The following PDGFB variants were observed in gnomAD, a reference collection of about 807,000 sequenced individuals.
PDGFB encodes platelet-derived growth factor subunit B.
Under a neutral mutation model 29.0 loss-of-function variants are expected in PDGFB, and 6 were observed. The ratio of observed to expected loss-of-function variants is 0.21; its 90% CI spans 0.11 to 0.41. PDGFB has a LOEUF of 0.41. Ranked by LOEUF, PDGFB falls within the 10% of genes least tolerant of loss-of-function variation. The pLI is 1.00. For synonymous variants in PDGFB, 144 were observed against 140.8 expected (o/e 1.02, Z -0.16); for missense variants, 299 against 341.8 (o/e 0.87, Z 0.99).
chr22:39,231,703 C>T lies in PDGFB; in HGVS notation c.375G>A (p.Val125=). 1.9e-6 allele frequency: 3 copies of T among 1,608,382 alleles called. No individual in the cohort carries two copies. The highest frequency in any genetic ancestry group is 2.5e-6 in the Non-Finnish European group (3 of 1,177,846). Residue 125 remains valine, a synonymous_variant, in exon 4 of 7, where the codon GTG becomes GTA. Transcript: ENST00000331163. This position sits in a 1 kb window ranked among gnomAD's most constrained non-coding sequence, Gnocchi z 4.3. ...NANFLVWPPC[V]EVQRCSGCCN... ...AGCAGCCGGAGCAGCGCTGCACCTC[C>T]ACACAGGGCGGCCACACCAGGAAGT...
chr22:39,225,953 G>C, intron 5 of PDGFB, 106 bp from the exon 6 acceptor site: 1 of 1,328,880 alleles, frequency 7.5e-7, no homozygotes, highest in Non-Finnish European at 1.0e-6. Flanking sequence ...AAAGGGACAG[G>C]AGGGGAATCT....
rs1229629736 is a variant in PDGFB at position 39,243,224 on chromosome 22, C to T, written c.63+677G>A. Among the ~76,000 whole-genome samples, 1 of 151,174 alleles carries T rather than the reference C, an allele frequency of 6.6e-6. No individual in the cohort carries two copies. Among genetic ancestry groups the T allele is most frequent in the South Asian group, 2.1e-4 (1 of 4,750 alleles). On this transcript the variant is annotated intron_variant, in intron 1 of 6. Coordinates refer to ENST00000331163, the MANE Select transcript of PDGFB (RefSeq NM_002608.4). This position sits in a 1 kb window ranked among gnomAD's most constrained non-coding sequence, Gnocchi z 6.4. The stretch of plus-strand genomic sequence containing the variant: ...AACCTACCTGCGTCTCTATCTTTCT[C>T]TCCCTCTCTCTCTCCGTCTCTCTCT...
chr22:39,225,856 GA>G lies in PDGFB; in HGVS notation c.602-10del. ...AGTTTGGGGCGTTTTGGCTGCACAA[GA>G]AAAAGAAAGACCTCGTCAGCATGTG... On this transcript the variant is annotated splice_polypyrimidine_tract_variant and intron_variant, in intron 5 of 6. Transcript: ENST00000331163. The G allele has an allele frequency of 6.2e-7, 1 of 1,608,796 alleles. No individual in the cohort carries two copies. The highest frequency in any genetic ancestry group is 1.1e-5 in the South Asian group (1 of 90,768).
Position 39,243,646 on chromosome 22 carries a change from A to C in PDGFB, c.63+255T>G, listed in dbSNP as rs1932623770. 6.7e-5 allele frequency among the ~76,000 whole-genome samples: 10 copies of C among 148,774 alleles called. No homozygotes were observed. In the South Asian group the frequency reaches 2.1e-3, roughly 32 times the overall value. On this transcript the variant is annotated intron_variant, in intron 1 of 6. Transcript: ENST00000331163. The surrounding 1 kb of genome is among the most constrained non-coding windows in gnomAD (Gnocchi z 6.4). ...AAGGGTGGGGGACAGGGCCACACAC[A>C]CCCTCCCCCGACACGGAACGGCTTA...
chr22:39,228,886 C>CAAAAAAAA (rs34953400), intron 5 of PDGFB, among the ~76,000 whole-genome samples: 27 of 72,556 alleles, frequency 3.7e-4, no homozygotes, highest in South Asian at 8.7e-4. Context: ...GAGACTGCCT[C>CAAAAAAAA]AAAAAAAATA....
intron 6 of PDGFB, 42 bp from the exon 7 acceptor site, chr22:39,225,355 A>G (rs185910804): frequency 5.3e-6 from 1 of 189,522 alleles, no homozygotes; most frequent in African/African-American, 2.3e-5. Context: ...GAGACAGCCT[A>G]GAGGGTCCAT....
chr22:39,227,855 G>A (rs751655087), intron 5 of PDGFB, among the ~76,000 whole-genome samples: 1 of 152,168 alleles, frequency 6.6e-6, no homozygotes, highest in East Asian at 1.9e-4. Context: ...CAGCTCCCAC[G>A]AGGCAGCTCT....
Position 39,231,560 on chromosome 22 carries a change from C to T in PDGFB, c.456+62G>A. The T allele has an allele frequency of 1.6e-6, 2 of 1,272,130 alleles. No individual in the cohort carries two copies. Among genetic ancestry groups the T allele is most frequent in the Non-Finnish European group, 2.2e-6 (2 of 924,792 alleles). The allele number at this position is 1,272,130 out of a possible 1,614,324, so 78.8% of individuals were successfully genotyped here. ...AAGGAAGCCTGGTCAGGTATGAGCC[C>T]CAGAAGGGTGGTCTCCACCCACCAC... On this transcript the variant is annotated intron_variant, in intron 4 of 6. Coordinates refer to ENST00000331163, the MANE Select transcript of PDGFB (RefSeq NM_002608.4). The surrounding 1 kb of genome is among the most constrained non-coding windows in gnomAD (Gnocchi z 4.3).
At chr22:39,233,097 CAGTG>C (rs1932350710) in intron 3 of PDGFB, among the ~76,000 whole-genome samples, 1 of 152,220 alleles carries the variant, frequency 6.6e-6, no homozygotes, top group African/African-American at 2.4e-5. Flanking sequence ...CGCTCCCTAG[CAGTG>C]TGACCTCGCC....
At chr22:39,234,208 C>T (rs1932385201) in intron 2 of PDGFB, among the ~76,000 whole-genome samples, 1 of 152,162 alleles carries the variant, frequency 6.6e-6, no homozygotes, top group Non-Finnish European at 1.5e-5. Flanking sequence ...TAAACTGTTG[C>T]CCCACCTCTG....
chr22:39,227,720 C>A (rs4416326), intron 5 of PDGFB, among the ~76,000 whole-genome samples: 1 of 151,938 alleles, frequency 6.6e-6, no homozygotes, highest in Non-Finnish European at 1.5e-5. Context: ...GTCCTGGATT[C>A]CCAGGTGGCC....
chr22:39,240,506 G>A (rs1387061112), intron 1 of PDGFB, among the ~76,000 whole-genome samples: 1 of 35,578 alleles, frequency 2.8e-5, no homozygotes, highest in Non-Finnish European at 7.6e-5. Context: ...CTCTCAAGAT[G>A]GGGGGCTTTG....
Position 39,230,145 on chromosome 22 carries a change from A to G in PDGFB, c.540T>C (p.Cys180=), listed in dbSNP as rs938487402. 3 of 1,613,876 alleles carry G rather than the reference A, an allele frequency of 1.9e-6. No homozygotes were observed. The highest frequency in any genetic ancestry group is 2.5e-6 in the Non-Finnish European group (3 of 1,179,874). The change falls in exon 5 of 7, where the codon TGT becomes TGC. Residue 180 remains cysteine (C), a synonymous_variant. Transcript: ENST00000331163. ...CAGGCCGTGCAGCTGCCACTGTCTCACACTTGCATGCCAGGTGGTCTTCCA... is the reference window on the plus strand; with the variant it reads ...CAGGCCGTGCAGCTGCCACTGTCTCGCACTTGCATGCCAGGTGGTCTTCCA... ...VTLEDHLACK[C]ETVAAARPVT...
chr22:39,240,428 C>T (rs1932540002), intron 1 of PDGFB, among the ~76,000 whole-genome samples: 2 of 152,112 alleles, frequency 1.3e-5, no homozygotes. Context: ...CTTTCTGTTT[C>T]TTCTCCTCTG....
rs1445670365 is a variant in PDGFB at position 39,244,602 on chromosome 22, A to C, written c.-639T>G. ...CTGGCGCGGGGCCCGGGCGGCGGGC[A>C]CGGCTGCTCCGCGCGCGCGGCGTGC... On this transcript the variant is annotated 5_prime_UTR_variant, in exon 1 of 7. Coordinates refer to ENST00000331163, the MANE Select transcript of PDGFB (RefSeq NM_002608.4). This position sits in a 1 kb window ranked among gnomAD's most constrained non-coding sequence, Gnocchi z 4.5. 1 of 150,602 alleles carries C rather than the reference A, an allele frequency of 6.6e-6. No homozygotes were observed. The highest frequency in any genetic ancestry group is 2.1e-4 in the South Asian group (1 of 4,838). The allele number at this position is 150,602 out of a possible 1,614,324, so 9.3% of individuals were successfully genotyped here.
At chr22:39,226,433 G>A (rs765881595) in intron 5 of PDGFB, among the ~76,000 whole-genome samples, 26 of 152,062 alleles carry the variant, frequency 1.7e-4, no homozygotes, top group Admixed American at 5.9e-4. Flanking sequence ...GGCTCTCCCC[G>A]TAGAGCCAGA....
intron 4 of PDGFB, among the ~76,000 whole-genome samples, chr22:39,230,606 T>C (rs1466277303): frequency 6.6e-6 from 1 of 151,998 alleles, no homozygotes; most frequent in Non-Finnish European, 1.5e-5. Flanking sequence ...GGAGGCTTCA[T>C]CTAGGAGGGA....
Position 39,231,483 on chromosome 22 carries a change from A to G in PDGFB, c.456+139T>C. On this transcript the variant is annotated intron_variant, in intron 4 of 6. Transcript: ENST00000331163. The surrounding 1 kb of genome is among the most constrained non-coding windows in gnomAD (Gnocchi z 4.3). ...TTCCCAAGAGTGGGCCTCTCTGGACAGAGCCCAGGAACAAATCAGGAATGT... is the reference window on the plus strand; with the variant it reads ...TTCCCAAGAGTGGGCCTCTCTGGACGGAGCCCAGGAACAAATCAGGAATGT... 1 of 696,754 alleles carries G rather than the reference A, an allele frequency of 1.4e-6. No homozygotes were observed. The highest frequency in any genetic ancestry group is 2.3e-6 in the Non-Finnish European group (1 of 425,624). The allele number at this position is 696,754 out of a possible 1,614,324, so 43.2% of individuals were successfully genotyped here.
Position 39,244,007 on chromosome 22 carries a change from C to T in PDGFB, c.-44G>A, listed in dbSNP as rs765594215. ...CCCGCGGGGCCCCGGACGCGTAGATCGAGCGCGCCGCCCCCGCGGCCAGGG... is the reference window on the plus strand; with the variant it reads ...CCCGCGGGGCCCCGGACGCGTAGATTGAGCGCGCCGCCCCCGCGGCCAGGG... On this transcript the variant is annotated 5_prime_UTR_variant, in exon 1 of 7. Coordinates refer to ENST00000331163, the MANE Select transcript of PDGFB (RefSeq NM_002608.4). This position sits in a 1 kb window ranked among gnomAD's most constrained non-coding sequence, Gnocchi z 4.5. 9.5e-6 allele frequency: 12 copies of T among 1,265,434 alleles called. No individual in the cohort carries two copies. The highest frequency in any genetic ancestry group is 1.3e-5 in the Non-Finnish European group (12 of 934,166). 78.4% of individuals were successfully genotyped at this position (1,265,434 alleles called of 1,614,324 possible). A position where few individuals can be genotyped will look rare whatever the true frequency, so the allele number is the denominator to read the frequency against.
Sources: gnomAD v4.1 joint callset for allele counts (sites outside exome capture counted in the v4.1 genomes callset) on GRCh38, gnomAD v4.1.1 for gene constraint, Gnocchi (gnomAD v3.1) non-coding constraint, MANE v1.5 for transcripts, NCBI Gene and HGNC (gene_info 2026-07-23, HGNC 2026-07-21) for gene names.